The following NLGN1 variants were observed in gnomAD, a reference collection of about 807,000 sequenced individuals.
The protein encoded by NLGN1 is neuroligin-1.
A neutral mutation model predicts 65.5 loss-of-function variants in NLGN1; 12 were observed. The observed-to-expected ratio is 0.18, with a 90% CI of 0.12 to 0.30. The LOEUF is 0.30. NLGN1 is among the 10% of genes least tolerant of loss of function. The pLI, the probability that NLGN1 is intolerant of heterozygous loss-of-function variation, is 1.00. For missense variants in NLGN1, 750 were observed against 1,007.1 expected (o/e 0.74, Z 3.46); for synonymous variants, 350 against 359.5 (o/e 0.97, Z 0.30).
At chr3:174,052,292 T>G (rs1230986207) in intron 4 of NLGN1, among the ~76,000 whole-genome samples, 1 of 152,022 alleles carries the variant, frequency 6.6e-6, no homozygotes, top group Non-Finnish European at 1.5e-5. Flanking sequence ...TCAGATGATT[T>G]GGGGCCCTTT....
intron 3 of NLGN1, chr3:173,790,005 T>G (rs2150360509): frequency 5.0e-6 from 2 of 398,780 alleles, no homozygotes; most frequent in South Asian, 3.7e-5. Context: ...ATGCCTTTCT[T>G]TCCTCATACC....
chr3:173,734,524 G>A (rs946691436), intron 3 of NLGN1, among the ~76,000 whole-genome samples: 1 of 150,328 alleles, frequency 6.7e-6, no homozygotes, highest in African/African-American at 2.4e-5. Flanking sequence ...AGTCTCTCAA[G>A]TGGCTGGGAC....
chr3:173,803,729 A>C (rs1376959554), intron 3 of NLGN1, among the ~76,000 whole-genome samples: 1 of 152,206 alleles, frequency 6.6e-6, no homozygotes, highest in East Asian at 1.9e-4. Flanking sequence ...AACAAGCAGA[A>C]ATTCAGCCAA....
rs145897095 is a variant in NLGN1 at position 173,717,176 on chromosome 3, T to A, written c.494-90504T>A. On this transcript the variant is annotated intron_variant, in intron 3 of 6. Transcript: ENST00000457714. ...GGTGATGCCATAGCAATCCTTAGAG[T>A]CAGTGGACTTTGAGAGTGAACTTTT... Among the ~76,000 whole-genome samples the A allele has an allele frequency of 1.2e-3, 184 of 152,234 alleles. 1 individual carries two copies. The highest frequency in any genetic ancestry group is 4.0e-3 in the African/African-American group (168 of 41,544).
chr3:173,418,773 C>T (rs778061677), intron 1 of NLGN1, among the ~76,000 whole-genome samples: 1 of 151,948 alleles, frequency 6.6e-6, no homozygotes, highest in Non-Finnish European at 1.5e-5. Flanking sequence ...TACATATTAA[C>T]CCATATGTTC....
chr3:174,243,047 A>T (rs1408013207), intron 4 of NLGN1, among the ~76,000 whole-genome samples: 1 of 152,098 alleles, frequency 6.6e-6, no homozygotes, highest in Non-Finnish European at 1.5e-5. Context: ...CTTTTTCTGA[A>T]TTTGAAGCAA....
chr3:173,866,620 G>A (rs969783121), intron 4 of NLGN1, among the ~76,000 whole-genome samples: 3 of 152,064 alleles, frequency 2.0e-5, no homozygotes, highest in Admixed American at 6.6e-5. Flanking sequence ...AGTTTACATC[G>A]ATATCAAATT....
chr3:173,883,032 A>C (rs1321498709), intron 4 of NLGN1, among the ~76,000 whole-genome samples: 1 of 147,728 alleles, frequency 6.8e-6, no homozygotes, highest in East Asian at 2.0e-4. Flanking sequence ...TTACTATAGT[A>C]GCACTTCCAA....
chr3:174,112,460 CT>C (rs939878389), intron 4 of NLGN1, among the ~76,000 whole-genome samples: 7 of 151,846 alleles, frequency 4.6e-5, no homozygotes, highest in African/African-American at 1.7e-4. Context: ...AGCCACTATT[CT>C]TTTTCTTCTG....
chr3:174,012,916 G>T (rs902196555), intron 4 of NLGN1, among the ~76,000 whole-genome samples: 1 of 152,158 alleles, frequency 6.6e-6, no homozygotes, highest in Non-Finnish European at 1.5e-5. Context: ...ATGTTAAGTT[G>T]CCAAAGCAGA....
chr3:173,737,493 T>G (rs1408076394), intron 3 of NLGN1, among the ~76,000 whole-genome samples: 1 of 152,050 alleles, frequency 6.6e-6, no homozygotes, highest in Non-Finnish European at 1.5e-5. Flanking sequence ...TTCAAGACTT[T>G]TCTTGTAAAC....
intron 4 of NLGN1, among the ~76,000 whole-genome samples, chr3:173,901,734 A>C (rs942691483): frequency 2.6e-5 from 4 of 152,008 alleles, no homozygotes; most frequent in African/African-American, 9.7e-5. Flanking sequence ...CAGAACACTT[A>C]ATTTCTTTTT....
chr3:173,653,791 C>A (rs1759571924), intron 3 of NLGN1, among the ~76,000 whole-genome samples: 1 of 152,038 alleles, frequency 6.6e-6, no homozygotes, highest in African/African-American at 2.4e-5. Flanking sequence ...GCAGAAAAAG[C>A]CTCACAGACA....
intron 2 of NLGN1, among the ~76,000 whole-genome samples, chr3:173,582,788 T>C (rs1250877040): frequency 6.6e-6 from 1 of 152,162 alleles, no homozygotes; most frequent in African/African-American, 2.4e-5. Flanking sequence ...ATTATTTCTT[T>C]ATGGACTTTG....
At chr3:174,074,830 G>T (rs988383861) in intron 4 of NLGN1, among the ~76,000 whole-genome samples, 1 of 152,152 alleles carries the variant, frequency 6.6e-6, no homozygotes, top group East Asian at 1.9e-4. Flanking sequence ...AAGTTAAGCA[G>T]TCCGTTACAC....
chr3:173,529,730 A>G (rs1200044235), intron 2 of NLGN1, among the ~76,000 whole-genome samples: 1 of 152,108 alleles, frequency 6.6e-6, no homozygotes, highest in Non-Finnish European at 1.5e-5. Flanking sequence ...TCCACCCAAT[A>G]AAGACGGCTT....
intron 3 of NLGN1, among the ~76,000 whole-genome samples, chr3:173,765,387 A>G (rs189526587): frequency 5.3e-5 from 8 of 152,296 alleles, no homozygotes; most frequent in African/African-American, 1.7e-4. Flanking sequence ...AGAGAAACCA[A>G]TGATACTTTA....
chr3:173,532,833 C>T (rs1230423224), intron 2 of NLGN1, among the ~76,000 whole-genome samples: 2 of 152,178 alleles, frequency 1.3e-5, no homozygotes, highest in African/African-American at 4.8e-5. Context: ...CCCTGATACT[C>T]CATGTTTATT....
At chr3:174,289,763 TAC>T (rs772990934), downstream of NLGN1, among the ~76,000 whole-genome samples, 12 of 150,610 alleles carry the variant, frequency 8.0e-5, no homozygotes, top group Non-Finnish European at 1.5e-4. Context: ...TCTCTCTTAC[TAC>T]AGATTCTAAT....
Sources: allele counts gnomAD v4.1 joint callset (sites outside exome capture counted in the v4.1 genomes callset), GRCh38; gene constraint gnomAD v4.1.1; transcripts MANE v1.5; gene names NCBI Gene and HGNC (gene_info 2026-07-23, HGNC 2026-07-21).